TSPAN18: variants seen among roughly 807,000 people sequenced by gnomAD.
TSPAN18 encodes tetraspanin-18.
TSPAN18 carries 14 observed loss-of-function variants against 27.3 expected under a neutral mutation model. The observed-to-expected ratio is 0.51, with a 90% CI of 0.34 to 0.80. The LOEUF (loss-of-function observed/expected upper bound fraction) is 0.80, where lower values mean the gene tolerates loss of function less well. Ranked by LOEUF, TSPAN18 falls within the 30% of genes least tolerant of loss-of-function variation. TSPAN18 has a pLI of 0.01. For missense variants in TSPAN18, 268 were observed against 323.9 expected, an observed-to-expected ratio of 0.83 and a Z score of 1.32; for synonymous variants, 143 against 136.5, an observed-to-expected ratio of 1.05 and a Z score of -0.33.
At chr11:44,815,624 A>G (rs1300070579) in intron 2 of TSPAN18, among the ~76,000 whole-genome samples, 1 of 152,212 alleles carries the variant, frequency 6.6e-6, no homozygotes, top group Non-Finnish European at 1.5e-5. Flanking sequence ...GAATGGCCCC[A>G]GGGATACCAT....
intron 1 of TSPAN18, among the ~76,000 whole-genome samples, chr11:44,741,447 A>ATATGTGTGTGTGTG (rs59390988): frequency 0.082 from 12,025 of 147,384 alleles, 1,149 homozygotes; most frequent in East Asian, 0.45. Context: ...TCAGACATGT[A>ATATGTGTGTGTGTG]TGTGTGTGTG....
intron 1 of TSPAN18, among the ~76,000 whole-genome samples, chr11:44,742,621 G>C (rs992672246): frequency 2.6e-5 from 4 of 152,152 alleles, no homozygotes; most frequent in African/African-American, 9.7e-5. Flanking sequence ...CGTGTCTCAA[G>C]CTTCTTCCTT....
chr11:44,929,425 A>G lies in TSPAN18; in HGVS notation c.*247A>G. The stretch of plus-strand genomic sequence containing the variant: ...CCGTGGGTTCTCCAGAGACCCCAGC[A>G]ACTGGCCCAGGATGCAGGCTGCTCT... On this transcript the variant is annotated 3_prime_UTR_variant, in exon 10 of 10. Coordinates refer to ENST00000520358, the MANE Select transcript of TSPAN18 (RefSeq NM_130783.5). The G allele has an allele frequency of 1.8e-6, 1 of 567,570 alleles. No homozygotes were observed. Among genetic ancestry groups the G allele is most frequent in the Non-Finnish European group, 3.1e-6 (1 of 321,120 alleles). 35.2% of individuals were successfully genotyped at this position (567,570 alleles called of 1,614,324 possible).
intron 1 of TSPAN18, among the ~76,000 whole-genome samples, chr11:44,728,407 AC>A (rs1854571877): frequency 6.6e-6 from 1 of 151,992 alleles, no homozygotes; most frequent in Non-Finnish European, 1.5e-5. Flanking sequence ...AAATGCATGC[AC>A]CCTTTTTGTA....
intron 2 of TSPAN18, among the ~76,000 whole-genome samples, chr11:44,796,630 CT>C (rs746584082): frequency 7.9e-5 from 12 of 152,248 alleles, no homozygotes; most frequent in Admixed American, 3.3e-4. Context: ...AGGTCTCCCC[CT>C]ATCCTTGTTT....
chr11:44,732,207 C>T (rs549691801), intron 1 of TSPAN18, among the ~76,000 whole-genome samples: 1 of 152,358 alleles, frequency 6.6e-6, no homozygotes, highest in South Asian at 2.1e-4. Context: ...TGGGCCTCTG[C>T]CTCATCTTGT....
chr11:44,810,390 G>A (rs567368818), intron 2 of TSPAN18, among the ~76,000 whole-genome samples: 1 of 152,122 alleles, frequency 6.6e-6, no homozygotes, highest in African/African-American at 2.4e-5. Flanking sequence ...ACACTATGTG[G>A]CCTTTTGTGT....
At chr11:44,736,737 A>G (rs1450266352) in intron 1 of TSPAN18, 1 of 152,208 alleles carries the variant, frequency 6.6e-6, no homozygotes, top group Non-Finnish European at 1.5e-5. Context: ...GAGGGTTAGG[A>G]CACATTCTGA....
intron 2 of TSPAN18, among the ~76,000 whole-genome samples, chr11:44,787,776 G>T: frequency 6.6e-6 from 1 of 152,344 alleles, no homozygotes; most frequent in South Asian, 2.1e-4. Flanking sequence ...CAGCTGCCAG[G>T]TGATGCTTTT....
Position 44,919,237 on chromosome 11 carries a change from G to A in TSPAN18, c.357G>A (p.Lys119=). The A allele has an allele frequency of 6.2e-7, 1 of 1,614,076 alleles. No homozygotes were observed. The change falls in exon 7 of 10, where the codon AAG becomes AAA. Residue 119 remains lysine, a synonymous_variant. Transcript: ENST00000520358. Reference sequence around the variant, plus strand: ...AGCTCACCCGAGAATTCTTCACCAAGGAGCTCACCAAGCACTACCAGGGCA... The same window carrying A: ...AGCTCACCCGAGAATTCTTCACCAAAGAGCTCACCAAGCACTACCAGGGCA... The part of the protein sequence containing the change: ...RENLTREFFT[K]ELTKHYQGNN...
At chr11:44,908,410 A>G (rs940714081) in intron 4 of TSPAN18, among the ~76,000 whole-genome samples, 10 of 152,012 alleles carry the variant, frequency 6.6e-5, no homozygotes, top group Non-Finnish European at 1.3e-4. Context: ...CCCACAACAG[A>G]TCTGCTTCTA....
At chr11:44,797,357 G>T (rs1856373106) in intron 2 of TSPAN18, among the ~76,000 whole-genome samples, 1 of 152,188 alleles carries the variant, frequency 6.6e-6, no homozygotes, top group African/African-American at 2.4e-5. Flanking sequence ...TTAGGGAATA[G>T]AAGAGGCTGA....
intron 2 of TSPAN18, among the ~76,000 whole-genome samples, chr11:44,815,706 G>A (rs1324042303): frequency 1.3e-5 from 2 of 152,170 alleles, no homozygotes; most frequent in Non-Finnish European, 1.5e-5. Flanking sequence ...AATAAAAGGA[G>A]CTCATGGAGC....
intron 1 of TSPAN18, among the ~76,000 whole-genome samples, chr11:44,731,633 T>TGTGTGTGTGAGAGAGAGAGAGAGAGAGA (rs139154582): frequency 2.8e-5 from 3 of 107,436 alleles, no homozygotes; most frequent in African/African-American, 1.1e-4. Context: ...TGTGTGTGTG[T>TGTGTGTGTGAGAGAGAGAGAGAGAGAGA]GAGAGAGAGA....
At chr11:44,744,651 T>C (rs984768457) in intron 1 of TSPAN18, among the ~76,000 whole-genome samples, 2 of 152,162 alleles carry the variant, frequency 1.3e-5, no homozygotes, top group African/African-American at 4.8e-5. Context: ...GGATAAATTA[T>C]CTTCACAGCT....
rs758068325 is a variant in TSPAN18, at chr11:44,854,200, T to TA, written c.-152-6128_-152-6127insA. ...GGTCTCTGCTCATTGGGGCAGGGGG[T>TA]GGGGGGGGGGGTTTGTGTGCGTGTG... On this transcript the variant is annotated intron_variant, in intron 2 of 9. Coordinates refer to ENST00000520358, the MANE Select transcript of TSPAN18 (RefSeq NM_130783.5). 1.7e-3 allele frequency among the ~76,000 whole-genome samples: 132 copies of TA among 76,808 alleles called. 1 individual carries two copies. The highest frequency in any genetic ancestry group is 6.1e-3 in the African/African-American group (131 of 21,314). 50.4% of individuals were successfully genotyped at this position (76,808 alleles called of 152,430 possible).
intron 5 of TSPAN18, among the ~76,000 whole-genome samples, chr11:44,912,458 C>T (rs1447973160): frequency 6.6e-6 from 1 of 152,086 alleles, no homozygotes; most frequent in African/African-American, 2.4e-5. Flanking sequence ...CCACACAAGC[C>T]TGAGGTCACA....
chr11:44,890,958 C>G lies in TSPAN18; in HGVS notation c.-10-15449C>G, dbSNP rs1858829210. The stretch of plus-strand genomic sequence containing the variant: ...AGACCAAGGCAGGAGATTGCTTGAG[C>G]CCCAGAGTTCGAGACCAGTCTGGGT... On this transcript the variant is annotated intron_variant, in intron 3 of 9. Transcript: ENST00000520358. Among the ~76,000 whole-genome samples, 3 of 152,170 alleles carry G rather than the reference C, an allele frequency of 2.0e-5. No individual in the cohort carries two copies. The South Asian group carries it at 6.2e-4, about 32-fold the overall frequency.
intron 2 of TSPAN18, among the ~76,000 whole-genome samples, chr11:44,825,992 A>G (rs1039095438): frequency 2.6e-5 from 4 of 152,160 alleles, no homozygotes; most frequent in Non-Finnish European, 4.4e-5. Flanking sequence ...TGCATTTCCC[A>G]TCATTACAAT....
Sources: allele counts gnomAD v4.1 joint callset (sites outside exome capture counted in the v4.1 genomes callset), GRCh38; gene constraint gnomAD v4.1.1; transcripts MANE v1.5; gene names NCBI Gene and HGNC (gene_info 2026-07-23, HGNC 2026-07-21).